Variants in RNF217 observed in about 807,000 individuals in gnomAD.
RNF217 encodes ring finger protein 217.
In RNF217, 31 loss-of-function variants were observed where a neutral mutation model predicts 57.8. That is an observed-to-expected ratio of 0.54 (90% CI 0.40 to 0.72). RNF217 has a LOEUF of 0.72. Among genes scored for constraint, RNF217 ranks in the 30% least tolerant of loss-of-function variants. The pLI, the probability that RNF217 is intolerant of heterozygous loss-of-function variation, is 0.00. For synonymous variants in RNF217, 313 were observed against 294.0 expected, an observed-to-expected ratio of 1.06 and a Z score of -0.66; for missense variants, 696 against 708.3, an observed-to-expected ratio of 0.98 and a Z score of 0.20.
intron 3 of RNF217, among the ~76,000 whole-genome samples, chr6:125,069,841 G>C (rs1788072038): frequency 6.6e-6 from 1 of 151,642 alleles, no homozygotes; most frequent in Non-Finnish European, 1.5e-5. Flanking sequence ...ATTCTGACTG[G>C]TGTGAAATCT....
At chr6:125,052,312 G>A (rs1243427095) in intron 2 of RNF217, among the ~76,000 whole-genome samples, 5 of 145,408 alleles carry the variant, frequency 3.4e-5, no homozygotes, top group African/African-American at 1.4e-4. Flanking sequence ...GTGTGTGTGT[G>A]TGTGTGTGGT....
rs921963439 is a variant in RNF217, at chr6:125,085,447, C to A, written c.*2510C>A. On this transcript the variant is annotated 3_prime_UTR_variant, in exon 6 of 6. Transcript: ENST00000521654. ...AAAATGATTATTTGTGAATTTTTTACTAAGTTTCATCAAGATCTTAAAAAG... is the reference window on the plus strand; with the variant it reads ...AAAATGATTATTTGTGAATTTTTTAATAAGTTTCATCAAGATCTTAAAAAG... 15 of 151,778 alleles carry A rather than the reference C, an allele frequency of 9.9e-5. No individual in the cohort carries two copies. Among genetic ancestry groups the A allele is most frequent in the African/African-American group, 3.6e-4 (15 of 41,450 alleles). The allele number at this position is 151,778 out of a possible 1,614,324, so 9.4% of individuals were successfully genotyped here.
intron 1 of RNF217, among the ~76,000 whole-genome samples, chr6:124,989,035 A>G (rs1345738820): frequency 3.8e-5 from 4 of 104,274 alleles, no homozygotes; most frequent in African/African-American, 5.8e-5. Flanking sequence ...TTATAAGCAT[A>G]TATCTGCTAC....
intron 1 of RNF217, chr6:125,005,955 A>T (rs1314724557): frequency 6.6e-6 from 1 of 152,238 alleles, no homozygotes; most frequent in Non-Finnish European, 1.5e-5. Flanking sequence ...GCCTTGAGGA[A>T]TAGGTCAGAA....
intron 1 of RNF217, among the ~76,000 whole-genome samples, chr6:125,024,332 C>A (rs1185852017): frequency 6.6e-6 from 1 of 152,174 alleles, no homozygotes; most frequent in African/African-American, 2.4e-5. Context: ...CCTGTAATCC[C>A]AGCACTTTGG....
At chr6:125,018,421 C>A (rs998079351) in intron 1 of RNF217, among the ~76,000 whole-genome samples, 1 of 152,084 alleles carries the variant, frequency 6.6e-6, no homozygotes, top group African/African-American at 2.4e-5. Context: ...AGGGACAGTT[C>A]TCTTTGAGCA....
chr6:125,027,621 G>T (rs986508857), intron 1 of RNF217, among the ~76,000 whole-genome samples: 1 of 152,176 alleles, frequency 6.6e-6, no homozygotes, highest in Admixed American at 6.5e-5. Flanking sequence ...AAACAGAAGT[G>T]TAGAGATCTC....
chr6:124,989,074 A>G (rs571335578), intron 1 of RNF217, among the ~76,000 whole-genome samples: 13 of 152,378 alleles, frequency 8.5e-5, no homozygotes, highest in Admixed American at 1.3e-4. Context: ...TGTCTAACAA[A>G]TGTGCCATTT....
rs913796101 is a variant in RNF217, at chr6:125,045,141, T to C, written c.883-70T>C. The C allele has an allele frequency of 1.3e-4, 121 of 948,560 alleles. 1 individual carries two copies. The highest frequency in any genetic ancestry group is 1.8e-4 in the Non-Finnish European group (114 of 624,442). The allele number at this position is 948,560 out of a possible 1,614,324, so 58.8% of individuals were successfully genotyped here. A position where few individuals can be genotyped will look rare whatever the true frequency, so the allele number is the denominator to read the frequency against. ...CGGTCATGAAATAAGTAATACTGTA[T>C]ACAAAAAAAAAAATGAAAGAAAATA... On this transcript the variant is annotated intron_variant, in intron 1 of 5. Coordinates refer to ENST00000521654, the MANE Select transcript of RNF217 (RefSeq NM_001286398.3).
At chr6:125,059,085 TA>T (rs1369142338) in intron 3 of RNF217, among the ~76,000 whole-genome samples, 1 of 152,160 alleles carries the variant, frequency 6.6e-6, no homozygotes, top group Non-Finnish European at 1.5e-5. Flanking sequence ...AGCATAATAA[TA>T]ATAAATGTAC....
chr6:125,000,094 T>C (rs1223254990), intron 1 of RNF217, among the ~76,000 whole-genome samples: 1 of 152,168 alleles, frequency 6.6e-6, no homozygotes, highest in Non-Finnish European at 1.5e-5. Flanking sequence ...GCTTATGGAA[T>C]GCAGTCCCAT....
At position 125,091,173 on chromosome 6, in the gene RNF217, C is replaced by G. The variant is rs1276449929; in HGVS notation, c.*8236C>G. 6.6e-6 allele frequency: 1 copy of G among 151,974 alleles called. No homozygotes were observed. Among genetic ancestry groups the G allele is most frequent in the Non-Finnish European group, 1.5e-5 (1 of 67,904 alleles). The allele number at this position is 151,974 out of a possible 1,614,324, so 9.4% of individuals were successfully genotyped here. ...TTTCTACCACGTTAGCATTTACACT[C>G]TAATTACTGAAAATAAAGGAAGAAG... On this transcript the variant is annotated 3_prime_UTR_variant, in exon 6 of 6. Coordinates refer to ENST00000521654, the MANE Select transcript of RNF217 (RefSeq NM_001286398.3).
chr6:125,070,998 C>T (rs939760978), intron 3 of RNF217, among the ~76,000 whole-genome samples: 1 of 152,030 alleles, frequency 6.6e-6, no homozygotes, highest in African/African-American at 2.4e-5. Flanking sequence ...TTTAGCAGTT[C>T]ATTTACTGTT....
At chr6:125,082,617 A>G (rs1190509355) in intron 5 of RNF217, 7 of 1,579,158 alleles carry the variant, frequency 4.4e-6, no homozygotes, top group Non-Finnish European at 6.0e-6. Flanking sequence ...GAAGATTTAA[A>G]CCAAAGTTTT....
chr6:125,010,609 A>G (rs916037342), intron 1 of RNF217, among the ~76,000 whole-genome samples: 130 of 152,332 alleles, frequency 8.5e-4, no homozygotes, highest in African/African-American at 3.1e-3. Context: ...ATTTTATGCA[A>G]TAAAAATAGT....
chr6:125,057,547 A>G (rs1033647701), intron 2 of RNF217, among the ~76,000 whole-genome samples: 11 of 152,166 alleles, frequency 7.2e-5, no homozygotes, highest in East Asian at 3.9e-4. Context: ...GAAATAAGCC[A>G]TTCTTAAGAA....
At chr6:124,982,918 G>A (rs1037453650) in intron 1 of RNF217, among the ~76,000 whole-genome samples, 4 of 152,204 alleles carry the variant, frequency 2.6e-5, no homozygotes, top group Admixed American at 2.0e-4. Flanking sequence ...TTGAAGAGCT[G>A]TGAAGGGAAT....
At chr6:125,080,007 G>A (rs1582785314) in intron 4 of RNF217, among the ~76,000 whole-genome samples, 2 of 151,944 alleles carry the variant, frequency 1.3e-5, no homozygotes, top group African/African-American at 4.8e-5. Context: ...TCAATTCTGT[G>A]ATATTTGAGA....
intron 1 of RNF217, chr6:125,009,332 T>A: frequency 8.0e-7 from 1 of 1,256,780 alleles, no homozygotes; most frequent in Non-Finnish European, 1.2e-6. Context: ...GCAGGAGCCC[T>A]TGTAATCTCT....
Sources: allele counts gnomAD v4.1 joint callset (sites outside exome capture counted in the v4.1 genomes callset), GRCh38; gene constraint gnomAD v4.1.1; transcripts MANE v1.5; gene names NCBI Gene and HGNC (gene_info 2026-07-23, HGNC 2026-07-21).